The following INTS8 variants were observed in gnomAD, a reference collection of about 807,000 sequenced individuals.
INTS8 encodes integrator complex subunit 8.
A neutral mutation model predicts 138.9 loss-of-function variants in INTS8; 47 were observed. The observed-to-expected ratio is 0.34, with a 90% confidence interval of 0.27 to 0.43. INTS8 has a LOEUF of 0.43. Ranked by LOEUF, INTS8 falls within the 20% of genes least tolerant of loss-of-function variation. INTS8 has a pLI of 1.00. For synonymous variants in INTS8, 392 were observed against 400.9 expected, an observed-to-expected ratio of 0.98 and a Z score of 0.27; for missense variants, 996 against 1,173.0, an observed-to-expected ratio of 0.85 and a Z score of 2.20.
Position 94,881,019 on chromosome 8 carries a change from G to T in INTS8, c.*785G>T, listed in dbSNP as rs1373427813. 1 of 398,498 alleles carries T rather than the reference G, an allele frequency of 2.5e-6. No individual in the cohort carries two copies. The highest frequency in any genetic ancestry group is 4.4e-6 in the Non-Finnish European group (1 of 225,836). 24.7% of individuals were successfully genotyped at this position (398,498 alleles called of 1,614,324 possible). On this transcript the variant is annotated 3_prime_UTR_variant, in exon 27 of 27. Transcript: ENST00000523731. Reference sequence around the variant, plus strand: ...ATCTAAGCCTTATTAGTTAAAAAATGTGTTATGGCAAGGCAAATAAACTAG... The same window carrying T: ...ATCTAAGCCTTATTAGTTAAAAAATTTGTTATGGCAAGGCAAATAAACTAG...
At chr8:94,867,041 A>G (rs1816203112) in intron 18 of INTS8, 99 bp from the exon 19 acceptor site, 1 of 906,014 alleles carries the variant, frequency 1.1e-6, no homozygotes, top group African/African-American at 1.7e-5. Flanking sequence ...TCAAAAGGCA[A>G]GGGTCTTTTA....
At chr8:94,850,419 T>C (rs1026433844) in intron 12 of INTS8, among the ~76,000 whole-genome samples, 56 of 152,144 alleles carry the variant, frequency 3.7e-4, no homozygotes, top group African/African-American at 1.3e-3. Flanking sequence ...GAGACCATCC[T>C]GGCTAACACG....
At chr8:94,869,578 C>T (rs573211496) in intron 20 of INTS8, among the ~76,000 whole-genome samples, 7 of 151,716 alleles carry the variant, frequency 4.6e-5, no homozygotes, top group East Asian at 3.9e-4. Flanking sequence ...CTGCAACCTC[C>T]GCCTCCCGGG....
chr8:94,852,026 T>A (rs1433112406), intron 13 of INTS8, among the ~76,000 whole-genome samples: 1 of 152,206 alleles, frequency 6.6e-6, no homozygotes, highest in African/African-American at 2.4e-5. Flanking sequence ...CACTGCAACC[T>A]CTGTCTCCCA....
In INTS8 at chr8:94,860,702, A is replaced by G. The variant is rs1336254246; in HGVS notation, c.2076+1070A>G. The stretch of plus-strand genomic sequence containing the variant: ...GCTTCAGATTTTCCCATTATTTTTA[A>G]TTGTTCCTATTACCTTTTGTTATTC... On this transcript the variant is annotated intron_variant, in intron 16 of 26. Coordinates refer to ENST00000523731, the MANE Select transcript of INTS8 (RefSeq NM_017864.4). Among the ~76,000 whole-genome samples the G allele has an allele frequency of 2.0e-5, 3 of 150,600 alleles. No individual in the cohort carries two copies. The East Asian group carries it at 5.8e-4, about 29-fold the overall frequency.
intron 6 of INTS8, among the ~76,000 whole-genome samples, chr8:94,835,610 T>G (rs1380854555): frequency 6.6e-6 from 1 of 151,896 alleles, no homozygotes; most frequent in Non-Finnish European, 1.5e-5. Context: ...TGCTTCTTTT[T>G]TTTTTTTGAG....
chr8:94,859,946 C>CCTG, intron 16 of INTS8: 1 of 208,824 alleles, frequency 4.8e-6, no homozygotes, highest in South Asian at 9.2e-5. Flanking sequence ...CACTCTAGAA[C>CCTG]TGATGGAGTC....
At chr8:94,865,261 A>G (rs940621570) in intron 16 of INTS8, among the ~76,000 whole-genome samples, 3 of 151,936 alleles carry the variant, frequency 2.0e-5, no homozygotes, top group Non-Finnish European at 4.4e-5. Context: ...CGTTTTCATT[A>G]GACTATAACT....
chr8:94,851,650 G>T lies in INTS8; in HGVS notation c.1605G>T (p.Met535Ile). 6.2e-7 allele frequency: 1 copy of T among 1,603,556 alleles called. No homozygotes were observed. Among genetic ancestry groups the T allele is most frequent in the South Asian group, 1.1e-5 (1 of 89,288 alleles). ...AAATTTTAATTGAATTACATGGTAT[G>T]ACTTCAGAGCGCCAGTTCTGGACAG... ...IRQILIELHGMTSERQFWTVS... is the reference protein window; with the variant it reads ...IRQILIELHGITSERQFWTVS... The change falls in exon 13 of 27, where the codon ATG (methionine) becomes ATT (isoleucine). Residue 535 changes from methionine to isoleucine, a missense_variant. Met to Ile is a conservative substitution (Grantham distance 10, BLOSUM62 1). Coordinates refer to ENST00000523731, the MANE Select transcript of INTS8 (RefSeq NM_017864.4).
At chr8:94,839,286 G>A (rs777446016) in intron 8 of INTS8, among the ~76,000 whole-genome samples, 16 of 152,126 alleles carry the variant, frequency 1.1e-4, no homozygotes, top group Non-Finnish European at 1.9e-4. Context: ...CCACCAACAC[G>A]CACACACCTC....
At chr8:94,869,640 G>C (rs1012770099) in intron 20 of INTS8, among the ~76,000 whole-genome samples, 3 of 151,758 alleles carry the variant, frequency 2.0e-5, no homozygotes, top group Non-Finnish European at 2.9e-5. Context: ...TTACAGGCAC[G>C]TGCCACCAAA....
At chr8:94,851,707 A>G in intron 13 of INTS8, 21 bp downstream of exon 13, 1 of 1,551,774 alleles carries the variant, frequency 6.4e-7, no homozygotes, top group Non-Finnish European at 8.6e-7. Context: ...TGTCAAGAAC[A>G]GATAAGAAAA....
intron 15 of INTS8, among the ~76,000 whole-genome samples, chr8:94,858,420 T>C (rs1426045368): frequency 6.6e-6 from 1 of 152,218 alleles, no homozygotes; most frequent in East Asian, 1.9e-4. Flanking sequence ...AATGTCTTCA[T>C]GAGGATTGAT....
At chr8:94,833,370 T>TA (rs80135616) in intron 6 of INTS8, among the ~76,000 whole-genome samples, 5,384 of 147,576 alleles carry the variant, frequency 0.036, 100 homozygotes, top group African/African-American at 0.042. Context: ...ACCCTTTTTG[T>TA]AAAAAAAAAA....
At chr8:94,827,669 T>A in intron 3 of INTS8, 53 bp from the exon 4 acceptor site, 1 of 1,432,734 alleles carries the variant, frequency 7.0e-7, no homozygotes, top group Non-Finnish European at 9.8e-7. Context: ...GAAAAAATAA[T>A]TGAGATGACA....
intron 26 of INTS8, among the ~76,000 whole-genome samples, chr8:94,877,003 T>TAA (rs1315968963): frequency 1.3e-5 from 2 of 152,182 alleles, no homozygotes; most frequent in Non-Finnish European, 2.9e-5. Context: ...CCAGTACTCT[T>TAA]ACTCTCATTT....
intron 26 of INTS8, among the ~76,000 whole-genome samples, chr8:94,877,121 C>T (rs1439982834): frequency 6.6e-6 from 1 of 152,102 alleles, no homozygotes; most frequent in African/African-American, 2.4e-5. Context: ...TAGTTGGTCC[C>T]TAGAATGGTG....
intron 10 of INTS8, among the ~76,000 whole-genome samples, chr8:94,844,779 G>A (rs1302820689): frequency 6.8e-6 from 1 of 147,912 alleles, no homozygotes; most frequent in African/African-American, 2.5e-5. Context: ...GTTTGAGACG[G>A]GTCTCACTCT....
intron 5 of INTS8, among the ~76,000 whole-genome samples, chr8:94,829,996 A>G (rs1814653877): frequency 6.6e-6 from 1 of 152,188 alleles, no homozygotes; most frequent in South Asian, 2.1e-4. Context: ...CCCTGCTTCA[A>G]GCAATTTTCC....
Sources: allele counts gnomAD v4.1 joint callset (sites outside exome capture counted in the v4.1 genomes callset), GRCh38; gene constraint gnomAD v4.1.1; transcripts MANE v1.5; gene names NCBI Gene and HGNC (gene_info 2026-07-23, HGNC 2026-07-21).